Variants in IWS1 observed in about 807,000 individuals in gnomAD.
IWS1 encodes interacts with SUPT6H, CTD assembly factor 1.
Under a neutral mutation model 86.7 loss-of-function variants are expected in IWS1, and 27 were observed. The observed-to-expected ratio is 0.31, with a 90% CI of 0.23 to 0.43. The LOEUF (loss-of-function observed/expected upper bound fraction) is 0.43, where lower values mean the gene tolerates loss of function less well. IWS1 is among the 20% of genes least tolerant of loss of function. IWS1 has a pLI of 1.00. For missense variants in IWS1, 827 were observed against 1,000.8 expected (o/e 0.83, Z 2.34); for synonymous variants, 313 against 335.1 (o/e 0.93, Z 0.72).
rs11327472 is a variant in IWS1 at position 127,494,245 on chromosome 2, TAAAAAAAA to T, written c.1799+619_1799+626del. ...AACACAGCGAGATCCTGTCTCTAATTAAAAAAAAAAAAAAAAAAAAAGCAAATCAATGA... is the reference window on the plus strand; with the variant it reads ...AACACAGCGAGATCCTGTCTCTAATTAAAAAAAAAAAAAGCAAATCAATGA... On this transcript the variant is annotated intron_variant, in intron 8 of 13. Transcript: ENST00000295321. 7.2e-4 allele frequency among the ~76,000 whole-genome samples: 68 copies of T among 94,076 alleles called. 1 individual carries two copies. In the South Asian group the frequency reaches 0.025, roughly 34 times the overall value. The allele number at this position is 94,076 out of a possible 152,430, so 61.7% of individuals were successfully genotyped here. A position where few individuals can be genotyped will look rare whatever the true frequency, so the allele number is the denominator to read the frequency against.
At chr2:127,495,286 C>T (rs1690455350) in intron 7 of IWS1, among the ~76,000 whole-genome samples, 1 of 152,082 alleles carries the variant, frequency 6.6e-6, no homozygotes, top group East Asian at 1.9e-4. Flanking sequence ...ATATTAGGAA[C>T]AATTTTCCAG....
In IWS1 at chr2:127,481,104, T is replaced by C. The variant is rs755008316; in HGVS notation, c.2400A>G (p.Lys800=). Residue 800 remains lysine (K), a synonymous_variant, in exon 14 of 14, where the codon AAA becomes AAG. Coordinates refer to ENST00000295321, the MANE Select transcript of IWS1 (RefSeq NM_017969.3). ...KQMRKFTDIR[K]KSRSAHAVKI... is the part of the protein sequence containing the mutation. ...TCACTGCGTGTGCAGATCTGCTTTT[T>C]TTCCTTATATCTGTGAACTTTCTCA... 5 of 1,613,064 alleles carry C rather than the reference T, an allele frequency of 3.1e-6. No individual in the cohort carries two copies. In the Admixed American group the frequency reaches 5.0e-5, roughly 16 times the overall value.
chr2:127,502,810 C>T lies in IWS1; in HGVS notation c.1467+5G>A. 6.7e-7 allele frequency: 1 copy of T among 1,493,928 alleles called. No individual in the cohort carries two copies. Among genetic ancestry groups the T allele is most frequent in the Non-Finnish European group, 9.3e-7 (1 of 1,074,302 alleles). The allele number at this position is 1,493,928 out of a possible 1,614,324, so 92.5% of individuals were successfully genotyped here. On this transcript the variant is annotated splice_donor_5th_base_variant and intron_variant, in intron 5 of 13. Coordinates refer to ENST00000295321, the MANE Select transcript of IWS1 (RefSeq NM_017969.3). The stretch of plus-strand genomic sequence containing the variant: ...AAGGAGGAAATATTTCCATCTTATA[C>T]TTACTGTAAATTCTTCTTCCTCTTC...
intron 9 of IWS1, chr2:127,492,813 G>A (rs1462861558): frequency 6.6e-6 from 1 of 152,376 alleles, no homozygotes; most frequent in African/African-American, 2.4e-5. Context: ...TACCTTCTCA[G>A]TTTACTGTGA....
In IWS1 at chr2:127,481,187, G is replaced by A; in HGVS notation, c.2329-12C>T. On this transcript the variant is annotated splice_polypyrimidine_tract_variant and intron_variant, in intron 13 of 13. Transcript: ENST00000295321. ...GAGGTCGCCTGAAACTAAGAGTAAG[G>A]GAAAAATTAAAGAGCAAACTACTGA... is the stretch of plus-strand genomic sequence containing the variant. 6.3e-7 allele frequency: 1 copy of A among 1,579,512 alleles called. No individual in the cohort carries two copies.
chr2:127,490,536 T>C (rs554589974), intron 10 of IWS1, among the ~76,000 whole-genome samples: 12 of 152,224 alleles, frequency 7.9e-5, no homozygotes, highest in Admixed American at 3.3e-4. Flanking sequence ...TAAGACATAA[T>C]GTAGCTTACT....
intron 2 of IWS1, among the ~76,000 whole-genome samples, chr2:127,518,110 G>A (rs1034638473): frequency 6.6e-6 from 1 of 152,140 alleles, no homozygotes; most frequent in Non-Finnish European, 1.5e-5. Flanking sequence ...CAGCAAAAGC[G>A]TTTCTTAGGT....
At chr2:127,503,718 G>T (rs1361473660) in intron 3 of IWS1, 142 bp from the exon 4 acceptor site, 1 of 330,850 alleles carries the variant, frequency 3.0e-6, no homozygotes, top group Non-Finnish European at 4.9e-6. Context: ...AATAAAATCA[G>T]AGGGCCTCCT....
chr2:127,515,544 G>C (rs948026438), intron 2 of IWS1, among the ~76,000 whole-genome samples: 1 of 152,086 alleles, frequency 6.6e-6, no homozygotes, highest in Non-Finnish European at 1.5e-5. Context: ...ATTTAAACTG[G>C]GGAATATGCA....
intron 2 of IWS1, among the ~76,000 whole-genome samples, chr2:127,513,235 T>A (rs1249576221): frequency 6.6e-6 from 1 of 151,126 alleles, no homozygotes; most frequent in African/African-American, 2.5e-5. Context: ...AGTGAGACTG[T>A]GTCTCAAAAA....
rs754076390 is a variant in IWS1, at chr2:127,505,403, C to A, written c.500G>T (p.Ser167Ile). ...SDSEIEELQKSPASDSETEDA... is the reference protein window; with the variant it reads ...SDSEIEELQKIPASDSETEDA... ...TTCTGTTTCAGAGTCACTAGCAGGA[C>A]TCTTCTGGAGCTCCTCAATCTCAGA... Residue 167 changes from serine (S) to isoleucine (I), a missense_variant, in exon 3 of 14, where the codon AGT becomes ATT. Coordinates refer to ENST00000295321, the MANE Select transcript of IWS1 (RefSeq NM_017969.3). This position sits in a 1 kb window ranked among gnomAD's most constrained non-coding sequence, Gnocchi z 5.0. 2.5e-6 allele frequency: 4 copies of A among 1,614,064 alleles called. No homozygotes were observed. In the South Asian group the frequency reaches 4.4e-5, roughly 18 times the overall value.
chr2:127,501,022 T>C (rs2104692145), intron 5 of IWS1, among the ~76,000 whole-genome samples: 2 of 152,348 alleles, frequency 1.3e-5, no homozygotes, highest in African/African-American at 4.8e-5. Context: ...TGTTTTAATT[T>C]TATATATATT....
At chr2:127,526,810 C>A, upstream of IWS1, 1 of 738,172 alleles carries the variant, frequency 1.4e-6, no homozygotes. Flanking sequence ...ACTGTCTTTC[C>A]CGTCAGGCCC....
In IWS1 at chr2:127,486,942, C is replaced by T. The variant is rs1387628586; in HGVS notation, c.2217-278G>A. On this transcript the variant is annotated intron_variant, in intron 12 of 13. Transcript: ENST00000295321. Reference sequence around the variant, plus strand: ...TCCTCTCCTCAGCTTCAGATATACTCATGCCCCTCTGCCTTCCAAGGCTAG... The same window carrying T: ...TCCTCTCCTCAGCTTCAGATATACTTATGCCCCTCTGCCTTCCAAGGCTAG... 2.6e-5 allele frequency among the ~76,000 whole-genome samples: 4 copies of T among 152,206 alleles called. No individual in the cohort carries two copies. The East Asian group carries it at 7.7e-4, about 29-fold the overall frequency.
At position 127,526,455 on chromosome 2, in the gene IWS1, T is replaced by G. The variant is rs1292195367; in HGVS notation, c.-247A>C. 2 of 1,532,660 alleles carry G rather than the reference T, an allele frequency of 1.3e-6. No homozygotes were observed. The highest frequency in any genetic ancestry group is 2.7e-5 in the African/African-American group (2 of 72,890). 94.9% of individuals were successfully genotyped at this position (1,532,660 alleles called of 1,614,324 possible). ...GCAGGCATGCGAGCCGGCGTTCTAC[T>G]TCCTAGAAGCACCGCTGGGGCCAAA... On this transcript the variant is annotated 5_prime_UTR_variant, in exon 1 of 14. Transcript: ENST00000295321.
upstream of IWS1, among the ~76,000 whole-genome samples, chr2:127,527,280 A>G (rs1205995269): frequency 1.3e-5 from 2 of 152,116 alleles, no homozygotes; most frequent in African/African-American, 4.8e-5. Flanking sequence ...AATAAAGCCA[A>G]ACAGACCTTC....
At chr2:127,520,926 G>A (rs1692059325) in intron 2 of IWS1, among the ~76,000 whole-genome samples, 1 of 152,152 alleles carries the variant, frequency 6.6e-6, no homozygotes, top group African/African-American at 2.4e-5. Context: ...TAATGACGTG[G>A]GGAAACACTT....
intron 8 of IWS1, chr2:127,494,547 A>G (rs1156921720): frequency 2.4e-5 from 4 of 164,598 alleles, no homozygotes; most frequent in East Asian, 1.7e-4. Context: ...GGATTACTTA[A>G]GCCCAGGAGT....
Position 127,481,156 on chromosome 2 carries a change from T to C in IWS1, c.2348A>G (p.Lys783Arg). 1.2e-6 allele frequency: 2 copies of C among 1,602,302 alleles called. No individual in the cohort carries two copies. The highest frequency in any genetic ancestry group is 1.7e-6 in the Non-Finnish European group (2 of 1,176,682). ...CTGTTTATCCAGTCGACTGATACCC[T>C]TCTTGGAGGTCGCCTGAAACTAAGA... ...ESSRFQATSK[K>R]GISRLDKQMR... Residue 783 changes from lysine (K) to arginine (R), a missense_variant, in exon 14 of 14, where the codon AAG (lysine) becomes AGG (arginine). By Grantham distance (26) the Lys-to-Arg change is conservative (BLOSUM62 2). Transcript: ENST00000295321.
Sources: gnomAD v4.1 joint callset for allele counts (sites outside exome capture counted in the v4.1 genomes callset) on GRCh38, gnomAD v4.1.1 for gene constraint, Gnocchi (gnomAD v3.1) non-coding constraint, MANE v1.5 for transcripts, NCBI Gene and HGNC (gene_info 2026-07-23, HGNC 2026-07-21) for gene names.